The following HYDIN variants were observed in gnomAD, a reference collection of about 807,000 sequenced individuals.
HYDIN encodes the protein axonemal central pair apparatus protein HYDIN.
HYDIN carries 132 observed loss-of-function variants against 403.9 expected under a neutral mutation model. That is an observed-to-expected ratio of 0.33 (90% CI 0.28 to 0.38). HYDIN has a LOEUF of 0.38. Ranked by LOEUF, HYDIN falls within the 10% of genes least tolerant of loss-of-function variation. The probability of loss-of-function intolerance (pLI) is 1.00; values close to 1 mark genes in which losing one functional copy is unlikely to be tolerated. For missense variants in HYDIN, 2,827 were observed against 5,009.5 expected (o/e 0.56, Z 13.15); for synonymous variants, 1,202 against 1,891.7 (o/e 0.64, Z 9.46).
chr16:70,920,725 C>T lies in HYDIN; in HGVS notation c.7651G>A (p.Glu2551Lys), dbSNP rs1309595027. 3 of 1,590,252 alleles carry T rather than the reference C, an allele frequency of 1.9e-6. No homozygotes were observed. The highest frequency in any genetic ancestry group is 2.3e-5 in the East Asian group (1 of 43,948). The change falls in exon 46 of 86, where the codon GAA becomes AAA. Residue 2551 changes from glutamate (E) to lysine (K), a missense_variant. Physicochemically the swap from Glu to Lys is moderately conservative, Grantham distance 56. Transcript: ENST00000393567. ...ALEERSDWEG[E>K]GEEDHEGKKE... Reference sequence around the variant, plus strand: ...TTCCCTTCGTGGTCCTCCTCCCCTTCCCCCTCCCAGTCGCTCCGCTCCTCC... The same window carrying T: ...TTCCCTTCGTGGTCCTCCTCCCCTTTCCCCTCCCAGTCGCTCCGCTCCTCC...
At chr16:70,965,573 T>C (rs1567917903) in intron 36 of HYDIN, among the ~76,000 whole-genome samples, 1 of 152,262 alleles carries the variant, frequency 6.6e-6, no homozygotes, top group African/African-American at 2.4e-5. Context: ...CTAGTGTGTA[T>C]GTGTATTTAT....
chr16:70,850,390 A>G, intron 74 of HYDIN, 58 bp downstream of exon 74: 2 of 852,658 alleles, frequency 2.3e-6, no homozygotes, highest in Non-Finnish European at 3.6e-6. Context: ...CATTTTTACT[A>G]CTTTCCCCAG....
chr16:71,061,866 G>GTGTT (rs2082094287), intron 17 of HYDIN, among the ~76,000 whole-genome samples: 1 of 54,630 alleles, frequency 1.8e-5, no homozygotes, highest in African/African-American at 5.2e-5. Context: ...GTGACAGTGT[G>GTGTT]TGTGTGTGTG....
intron 23 of HYDIN, among the ~76,000 whole-genome samples, chr16:71,011,644 G>A (rs1432422367): frequency 3.3e-5 from 5 of 152,060 alleles, no homozygotes; most frequent in African/African-American, 1.2e-4. Context: ...TCCTTGGCTT[G>A]TGCCCAGGAG....
rs1314552305 is a variant in HYDIN, at chr16:70,852,858, C to T, written c.12444-2203G>A. On this transcript the variant is annotated intron_variant, in intron 73 of 85. Coordinates refer to ENST00000393567, the MANE Select transcript of HYDIN (RefSeq NM_001270974.2). Reference sequence around the variant, plus strand: ...TTAAAACTACAATGAGATATCCTTACACATCTATCAGAAAAGCTAAAATAA... The same window carrying T: ...TTAAAACTACAATGAGATATCCTTATACATCTATCAGAAAAGCTAAAATAA... 50 of 152,126 alleles carry T rather than the reference C, an allele frequency of 3.3e-4. 1 individual carries two copies. Among genetic ancestry groups the T allele is most frequent in the Admixed American group, 3.3e-3 (50 of 15,270 alleles). 9.4% of individuals were successfully genotyped at this position (152,126 alleles called of 1,614,324 possible). A position where few individuals can be genotyped will look rare whatever the true frequency, so the allele number is the denominator to read the frequency against.
intron 41 of HYDIN, among the ~76,000 whole-genome samples, chr16:70,950,349 C>T (rs1460627735): frequency 6.6e-6 from 1 of 152,018 alleles, no homozygotes; most frequent in Non-Finnish European, 1.5e-5. Context: ...CTTCTGGGTT[C>T]AAGTGATTCT....
At chr16:71,116,368 C>T (rs1375992686) in intron 9 of HYDIN, among the ~76,000 whole-genome samples, 13 of 152,050 alleles carry the variant, frequency 8.5e-5, no homozygotes. Context: ...GGCAGGAACT[C>T]TTTCTTAGTA....
intron 10 of HYDIN, among the ~76,000 whole-genome samples, chr16:71,102,502 G>A (rs2083487775): frequency 6.6e-6 from 1 of 151,606 alleles, no homozygotes. Flanking sequence ...GATGTAAGTT[G>A]TTTTACCTAA....
intron 13 of HYDIN, among the ~76,000 whole-genome samples, chr16:71,078,540 T>C (rs1368905217): frequency 2.0e-5 from 3 of 152,224 alleles, no homozygotes; most frequent in African/African-American, 7.2e-5. Context: ...GGTCTTGCTC[T>C]TTTGCCTAGG....
At chr16:71,009,549 G>T (rs1225255836) in intron 23 of HYDIN, among the ~76,000 whole-genome samples, 1 of 152,174 alleles carries the variant, frequency 6.6e-6, no homozygotes, top group Non-Finnish European at 1.5e-5. Flanking sequence ...ATAAGGGACA[G>T]CCTCAAGATG....
At chr16:70,962,558 T>C (rs1240680601) in intron 37 of HYDIN, among the ~76,000 whole-genome samples, 1 of 152,182 alleles carries the variant, frequency 6.6e-6, no homozygotes, top group African/African-American at 2.4e-5. Flanking sequence ...TGGGGTTATA[T>C]TGTACATACT....
At chr16:70,878,178 T>G (rs997475722) in intron 62 of HYDIN, among the ~76,000 whole-genome samples, 53 of 151,982 alleles carry the variant, frequency 3.5e-4, no homozygotes, top group South Asian at 2.1e-4. Flanking sequence ...CAAGATCTGA[T>G]GGTTTTATAA....
chr16:70,804,834 T>C lies in HYDIN; in HGVS notation c.*2746A>G, dbSNP rs2035037613. ...CTCCCCCTCCCTTCTCCCTGATCAC[T>C]TTTATAAAATGTATATGGACAGCTT... is the stretch of plus-strand genomic sequence containing the variant. On this transcript the variant is annotated 3_prime_UTR_variant, in exon 86 of 86. Coordinates refer to ENST00000393567, the MANE Select transcript of HYDIN (RefSeq NM_001270974.2). Among the ~76,000 whole-genome samples the C allele has an allele frequency of 6.6e-6, 1 of 152,170 alleles. No homozygotes were observed. Among genetic ancestry groups the C allele is most frequent in the Non-Finnish European group, 1.5e-5 (1 of 68,028 alleles).
intron 77 of HYDIN, among the ~76,000 whole-genome samples, chr16:70,836,825 A>G (rs1393491829): frequency 6.6e-6 from 1 of 152,238 alleles, no homozygotes; most frequent in Non-Finnish European, 1.5e-5. Context: ...TCTTCCCAAA[A>G]TATCCAATAC....
chr16:71,129,633 T>A lies in HYDIN; in HGVS notation c.1227+7A>T. 3 of 1,603,786 alleles carry A rather than the reference T, an allele frequency of 1.9e-6. No homozygotes were observed. Among genetic ancestry groups the A allele is most frequent in the Non-Finnish European group, 1.7e-6 (2 of 1,176,252 alleles). ...CCTGTATGGTCAGCTTTTATTTATA[T>A]GCTCACCAGGGGCTCCACAGTGAAA... is the stretch of plus-strand genomic sequence containing the variant. On this transcript the variant is annotated splice_region_variant and intron_variant, in intron 9 of 85. Coordinates refer to ENST00000393567, the MANE Select transcript of HYDIN (RefSeq NM_001270974.2).
chr16:71,034,003 G>T (rs979387165), intron 18 of HYDIN, among the ~76,000 whole-genome samples: 4 of 152,064 alleles, frequency 2.6e-5, no homozygotes, highest in African/African-American at 9.7e-5. Flanking sequence ...GAGAGGAAAA[G>T]CCACACTCTC....
intron 1 of HYDIN, among the ~76,000 whole-genome samples, chr16:71,207,729 T>C (rs1034766455): frequency 6.6e-6 from 1 of 151,702 alleles, no homozygotes; most frequent in Non-Finnish European, 1.5e-5. Context: ...TGGAGAAAAA[T>C]CTACTAAGCA....
At chr16:70,871,220 A>G (rs1597177734) in intron 65 of HYDIN, among the ~76,000 whole-genome samples, 1 of 151,986 alleles carries the variant, frequency 6.6e-6, no homozygotes, top group East Asian at 1.9e-4. Context: ...TGAACTTTAC[A>G]TCACTCCAAA....
chr16:71,221,090 A>G (rs1315242631), intron 1 of HYDIN, among the ~76,000 whole-genome samples: 2 of 152,092 alleles, frequency 1.3e-5, no homozygotes, highest in Non-Finnish European at 2.9e-5. Flanking sequence ...GGCTTCCAGG[A>G]AAGGTCAACA....
Sources: allele counts gnomAD v4.1 joint callset (sites outside exome capture counted in the v4.1 genomes callset), GRCh38; gene constraint gnomAD v4.1.1; transcripts MANE v1.5; gene names NCBI Gene and HGNC (gene_info 2026-07-23, HGNC 2026-07-21).